The following INPP4B variants were observed in gnomAD, a reference collection of about 807,000 sequenced individuals.
INPP4B encodes the protein inositol polyphosphate-4-phosphatase type II B, also known as inositol polyphosphate 4-phosphatase type II.
Under a neutral mutation model 122.5 loss-of-function variants are expected in INPP4B, and 55 were observed. The observed-to-expected ratio is 0.45, with a 90% CI of 0.36 to 0.56. The LOEUF (loss-of-function observed/expected upper bound fraction) is 0.56. Ranked by LOEUF, INPP4B falls within the 20% of genes least tolerant of loss-of-function variation. The pLI is 0.00. For missense variants in INPP4B, 1,000 were observed against 1,097.7 expected (o/e 0.91, Z 1.26); for synonymous variants, 403 against 388.7 (o/e 1.04, Z -0.43).
chr4:142,112,604 C>T lies in INPP4B; in HGVS notation c.2214G>A (p.Leu738=), dbSNP rs1292917151. Residue 738 remains leucine, a synonymous_variant, in exon 22 of 26, where the codon TTG becomes TTA. Transcript: ENST00000262992. ...SLPLQIKEGQ[L]LHVYPVLFNV... Reference sequence around the variant, plus strand: ...TAAAAAGTACTGGATACACATGAAGCAACTGTCCTTCTTTAATCTGTAGAG... The same window carrying T: ...TAAAAAGTACTGGATACACATGAAGTAACTGTCCTTCTTTAATCTGTAGAG... 1 of 1,613,138 alleles carries T rather than the reference C, an allele frequency of 6.2e-7. No individual in the cohort carries two copies. Among genetic ancestry groups the T allele is most frequent in the Admixed American group, 1.7e-5 (1 of 59,906 alleles).
At chr4:142,616,200 T>A (rs938767312) in intron 2 of INPP4B, among the ~76,000 whole-genome samples, 7 of 152,162 alleles carry the variant, frequency 4.6e-5, no homozygotes, top group Non-Finnish European at 1.0e-4. Context: ...ATGGATGAAA[T>A]GTCTATCTCA....
At chr4:142,511,430 A>T (rs1824698350) in intron 2 of INPP4B, among the ~76,000 whole-genome samples, 1 of 152,194 alleles carries the variant, frequency 6.6e-6, no homozygotes, top group South Asian at 2.1e-4. Context: ...ATTTTTTATC[A>T]TCTAGAAATC....
At chr4:142,671,617 T>TAA (rs1254147740) in intron 2 of INPP4B, among the ~76,000 whole-genome samples, 2 of 152,170 alleles carry the variant, frequency 1.3e-5, no homozygotes, top group African/African-American at 4.8e-5. Context: ...TTGTCCCACT[T>TAA]ACTATTATTG....
At position 142,107,472 on chromosome 4, in the gene INPP4B, C is replaced by T. The variant is rs1240005438; in HGVS notation, c.2374+621G>A. On this transcript the variant is annotated intron_variant, in intron 23 of 25. Transcript: ENST00000262992. ...ACATTCCCAGCTCTCTGATTTTGGA[C>T]TGCTCAAATGTTATGTGCTTAATAC... Among the ~76,000 whole-genome samples, 3 of 152,126 alleles carry T rather than the reference C, an allele frequency of 2.0e-5. No individual in the cohort carries two copies. The East Asian group carries it at 5.8e-4, about 29-fold the overall frequency.
intron 25 of INPP4B, among the ~76,000 whole-genome samples, chr4:142,036,996 C>T (rs1744360208): frequency 1.3e-5 from 2 of 152,152 alleles, no homozygotes; most frequent in African/African-American, 4.8e-5. Flanking sequence ...AACTTCCTCA[C>T]TAGGAGATTA....
intron 25 of INPP4B, among the ~76,000 whole-genome samples, chr4:142,031,081 G>T (rs1388926304): frequency 6.6e-6 from 1 of 152,050 alleles, no homozygotes; most frequent in Non-Finnish European, 1.5e-5. Context: ...AAAAGTAGGG[G>T]GTTGGTTTAT....
chr4:142,729,330 T>A (rs1023607603), intron 1 of INPP4B, among the ~76,000 whole-genome samples: 3 of 152,112 alleles, frequency 2.0e-5, no homozygotes, highest in African/African-American at 7.2e-5. Flanking sequence ...AACTTAGAAA[T>A]CAGAACACCC....
intron 8 of INPP4B, chr4:142,305,902 A>G (rs1034588045): frequency 2.9e-6 from 3 of 1,042,728 alleles, no homozygotes; most frequent in African/African-American, 3.4e-5. Flanking sequence ...TCTTATTAGA[A>G]TTCCTCAAAT....
intron 2 of INPP4B, among the ~76,000 whole-genome samples, chr4:142,536,432 C>G (rs1828201004): frequency 6.6e-6 from 1 of 152,148 alleles, no homozygotes; most frequent in African/African-American, 2.4e-5. Context: ...ATTAATTCAG[C>G]TGATAATTAA....
chr4:142,381,976 CT>C (rs796609849), intron 7 of INPP4B, among the ~76,000 whole-genome samples: 7 of 151,974 alleles, frequency 4.6e-5, no homozygotes, highest in African/African-American at 1.7e-4. Context: ...TCAGGTAAGT[CT>C]TACTATTATT....
At chr4:142,674,428 T>C (rs763774637) in intron 2 of INPP4B, among the ~76,000 whole-genome samples, 2 of 152,082 alleles carry the variant, frequency 1.3e-5, no homozygotes, top group Non-Finnish European at 2.9e-5. Flanking sequence ...TAAAAAACCA[T>C]AAGTGTTTAG....
chr4:142,347,048 T>G (rs936757896), intron 7 of INPP4B, among the ~76,000 whole-genome samples: 6 of 152,120 alleles, frequency 3.9e-5, no homozygotes, highest in African/African-American at 7.2e-5. Context: ...TGAAACAACC[T>G]CTCTGTTAAC....
At chr4:142,284,150 ACAAT>A (rs1322120077) in intron 9 of INPP4B, among the ~76,000 whole-genome samples, 5 of 150,724 alleles carry the variant, frequency 3.3e-5, no homozygotes, top group African/African-American at 1.0e-4. Context: ...GATTCAAAAG[ACAAT>A]CAGAGGAGGG....
rs781033484 is a variant in INPP4B at position 142,023,283 on chromosome 4, G to A, written c.*5499C>T. 2.0e-5 allele frequency: 3 copies of A among 151,994 alleles called. No homozygotes were observed. The highest frequency in any genetic ancestry group is 4.8e-5 in the African/African-American group (2 of 41,390). The allele number at this position is 151,994 out of a possible 1,614,324, so 9.4% of individuals were successfully genotyped here. On this transcript the variant is annotated 3_prime_UTR_variant, in exon 26 of 26. Transcript: ENST00000262992. ...TGCCAACATAAAATGATCTATTTAT[G>A]CCTAGAAAAAATTTCTAGGAATACA...
At chr4:142,706,458 G>A (rs531782260) in intron 2 of INPP4B, among the ~76,000 whole-genome samples, 8 of 152,300 alleles carry the variant, frequency 5.3e-5, no homozygotes, top group Admixed American at 1.3e-4. Context: ...GAGAAAAGGA[G>A]CATCCTGTCC....
At chr4:142,397,856 A>G (rs1799861632) in intron 7 of INPP4B, among the ~76,000 whole-genome samples, 1 of 152,022 alleles carries the variant, frequency 6.6e-6, no homozygotes, top group South Asian at 2.1e-4. Flanking sequence ...TAAAAAATAA[A>G]AAATAAAAAA....
intron 2 of INPP4B, among the ~76,000 whole-genome samples, chr4:142,649,445 A>T (rs1415243966): frequency 6.6e-6 from 1 of 152,232 alleles, no homozygotes; most frequent in African/African-American, 2.4e-5. Context: ...AGCATGTCCA[A>T]ACCCATTGCA....
At chr4:142,354,969 T>TGTGGCTC (rs973239764) in intron 7 of INPP4B, among the ~76,000 whole-genome samples, 1 of 151,976 alleles carries the variant, frequency 6.6e-6, no homozygotes, top group Non-Finnish European at 1.5e-5. Flanking sequence ...TCAGATAGCT[T>TGTGGCTC]GTGGCTCGTG....
At position 142,574,477 on chromosome 4, in the gene INPP4B, C is replaced by T. The variant is rs536306732; in HGVS notation, c.-190-111751G>A. Among the ~76,000 whole-genome samples, 5 of 152,160 alleles carry T rather than the reference C, an allele frequency of 3.3e-5. No individual in the cohort carries two copies. In the East Asian group the frequency reaches 9.7e-4, roughly 30 times the overall value. ...GGGCATTATGACTAGGACCTACTAA[C>T]ATTAAATGCTGTCTTGAGTCACTTT... On this transcript the variant is annotated intron_variant, in intron 2 of 25. Transcript: ENST00000262992.
Sources: gnomAD v4.1 joint callset for allele counts (sites outside exome capture counted in the v4.1 genomes callset) on GRCh38, gnomAD v4.1.1 for gene constraint, MANE v1.5 for transcripts, NCBI Gene and HGNC (gene_info 2026-07-23, HGNC 2026-07-21) for gene names.